CRTC1: variants seen among roughly 807,000 people sequenced by gnomAD.
CRTC1 encodes CREB-regulated transcription coactivator 1.
CRTC1 carries 18 observed loss-of-function variants against 66.1 expected under a neutral mutation model. The ratio of observed to expected loss-of-function variants is 0.27; its 90% CI spans 0.19 to 0.40. The LOEUF (loss-of-function observed/expected upper bound fraction) is 0.40, where lower values mean the gene tolerates loss of function less well. Ranked by LOEUF, CRTC1 falls within the 10% of genes least tolerant of loss-of-function variation. CRTC1 has a pLI of 1.00. For synonymous variants in CRTC1, 416 were observed against 398.8 expected, an observed-to-expected ratio of 1.04 and a Z score of -0.51; for missense variants, 669 against 887.9, an observed-to-expected ratio of 0.75 and a Z score of 3.13.
intron 1 of CRTC1, among the ~76,000 whole-genome samples, chr19:18,699,740 T>G (rs375513941): frequency 6.6e-6 from 1 of 152,068 alleles, no homozygotes; most frequent in Non-Finnish European, 1.5e-5. Context: ...GGGTGATGCC[T>G]CGTGGGCCAG....
At chr19:18,720,662 G>A (rs552624922) in intron 1 of CRTC1, among the ~76,000 whole-genome samples, 17 of 151,434 alleles carry the variant, frequency 1.1e-4, no homozygotes, top group African/African-American at 2.7e-4. Flanking sequence ...CACCACGCCC[G>A]GCCTAACTTT....
At chr19:18,740,410 G>C (rs1255724548) in intron 1 of CRTC1, among the ~76,000 whole-genome samples, 1 of 152,168 alleles carries the variant, frequency 6.6e-6, no homozygotes, top group Admixed American at 6.5e-5. Flanking sequence ...CATGTCCAGG[G>C]TCTGTACTGG....
rs1264664892 is a variant in CRTC1 at position 18,778,142 on chromosome 19, C to T, written c.*760C>T. The T allele has an allele frequency of 8.6e-6, 2 of 232,848 alleles. No individual in the cohort carries two copies. Among genetic ancestry groups the T allele is most frequent in the Admixed American group, 5.6e-5 (1 of 17,778 alleles). 14.4% of individuals were successfully genotyped at this position (232,848 alleles called of 1,614,324 possible). The stretch of plus-strand genomic sequence containing the variant: ...TTGCCGGGAAGTGACCGGAAGGCCC[C>T]GTGAGGGGTCGAACGCGGAGGCAGG... On this transcript the variant is annotated 3_prime_UTR_variant, in exon 14 of 14. Transcript: ENST00000321949.
intron 9 of CRTC1, 39 bp downstream of exon 9, chr19:18,765,567 G>A (rs2054712584): frequency 1.3e-6 from 2 of 1,578,852 alleles, no homozygotes; most frequent in Non-Finnish European, 8.6e-7. Flanking sequence ...GAGGGGGAAA[G>A]GGAAAGGTGG....
At position 18,768,560 on chromosome 19, in the gene CRTC1, C is replaced by T; in HGVS notation, c.1087C>T (p.Pro363Ser). The T allele has an allele frequency of 6.2e-7, 1 of 1,601,028 alleles. No homozygotes were observed. The highest frequency in any genetic ancestry group is 1.3e-5 in the African/African-American group (1 of 74,668). ...AFFTQAGSQQPPPQPQPPPPP... is the reference protein window; with the variant it reads ...AFFTQAGSQQSPPQPQPPPPP... ...CTTCACCCAGGCGGGCTCCCAGCAG[C>T]CACCGCCGCAGCCCCAGCCCCCGCC... Residue 363 changes from proline (P) to serine (S), a missense_variant, in exon 10 of 14, where the codon CCA (proline) becomes TCA (serine). Around this residue, in one of 8 missense-constraint regions of CRTC1, gnomAD observed 241 missense variants for 242.2 expected, o/e 0.99. Transcript: ENST00000321949. This position sits in a 1 kb window ranked among gnomAD's most constrained non-coding sequence, Gnocchi z 5.6.
chr19:18,719,337 C>CA (rs1456238673), intron 1 of CRTC1, among the ~76,000 whole-genome samples: 1 of 152,194 alleles, frequency 6.6e-6, no homozygotes, highest in Non-Finnish European at 1.5e-5. Flanking sequence ...ACCGGGTCCC[C>CA]AGGGCCTGCA....
intron 6 of CRTC1, among the ~76,000 whole-genome samples, chr19:18,757,182 C>T (rs1468090690): frequency 2.0e-5 from 3 of 152,170 alleles, no homozygotes; most frequent in African/African-American, 7.2e-5. Context: ...AAACGTGTCA[C>T]ACTGGGAGGC....
chr19:18,717,506 C>T (rs1033276619), intron 1 of CRTC1, among the ~76,000 whole-genome samples: 1 of 152,124 alleles, frequency 6.6e-6, no homozygotes, highest in Non-Finnish European at 1.5e-5. Context: ...ACTGTCCCCT[C>T]AGAAGGGTCG....
At chr19:18,736,712 G>A (rs889091933) in intron 1 of CRTC1, among the ~76,000 whole-genome samples, 2 of 150,410 alleles carry the variant, frequency 1.3e-5, no homozygotes, top group Non-Finnish European at 2.9e-5. Flanking sequence ...AGGTGGAGAG[G>A]GGGGGAAACT....
At chr19:18,748,142 C>T (rs1045275774) in intron 4 of CRTC1, among the ~76,000 whole-genome samples, 5 of 152,056 alleles carry the variant, frequency 3.3e-5, no homozygotes, top group African/African-American at 1.2e-4. Flanking sequence ...CATGGTTGTA[C>T]AACAATGTGA....
intron 8 of CRTC1, among the ~76,000 whole-genome samples, chr19:18,763,690 G>A (rs1052863927): frequency 9.9e-5 from 15 of 152,238 alleles, no homozygotes; most frequent in Non-Finnish European, 1.8e-4. Context: ...GGCCATGGCC[G>A]ATGTCTTGCA....
chr19:18,709,610 G>C (rs2053342870), intron 1 of CRTC1, among the ~76,000 whole-genome samples: 1 of 152,158 alleles, frequency 6.6e-6, no homozygotes, highest in East Asian at 1.9e-4. Context: ...GTTGGGATGA[G>C]CCTCTGTACC....
chr19:18,740,335 C>T (rs75205307), intron 1 of CRTC1, among the ~76,000 whole-genome samples: 1 of 152,130 alleles, frequency 6.6e-6, no homozygotes, highest in Non-Finnish European at 1.5e-5. Context: ...GTCAGCCCCT[C>T]ATGTGAACAG....
At chr19:18,764,327 A>C (rs2054680717) in intron 8 of CRTC1, among the ~76,000 whole-genome samples, 1 of 152,196 alleles carries the variant, frequency 6.6e-6, no homozygotes, top group Admixed American at 6.5e-5. Flanking sequence ...CCAGGGCCTC[A>C]CTTTGAACCG....
chr19:18,688,292 A>G (rs925974886), intron 1 of CRTC1, among the ~76,000 whole-genome samples: 17 of 152,088 alleles, frequency 1.1e-4, no homozygotes, highest in African/African-American at 3.6e-4. Flanking sequence ...GATTGGGGAC[A>G]GGCACAGTCA....
chr19:18,742,577 G>T (rs1196538260), intron 1 of CRTC1, among the ~76,000 whole-genome samples: 1 of 152,218 alleles, frequency 6.6e-6, no homozygotes, highest in Non-Finnish European at 1.5e-5. Context: ...GGCCTCCTTG[G>T]CAGGCTGCAG....
At chr19:18,694,591 C>T (rs1384746656) in intron 1 of CRTC1, among the ~76,000 whole-genome samples, 1 of 152,112 alleles carries the variant, frequency 6.6e-6, no homozygotes, top group Admixed American at 6.6e-5. Context: ...AGCCACCATG[C>T]CCGGCTAATT....
intron 6 of CRTC1, among the ~76,000 whole-genome samples, chr19:18,757,279 G>T (rs189655612): frequency 2.0e-5 from 3 of 152,132 alleles, no homozygotes; most frequent in African/African-American, 7.2e-5. Flanking sequence ...AGTCTCGGGG[G>T]CCCCTACCTG....
chr19:18,723,545 G>A (rs1272502475), intron 1 of CRTC1, among the ~76,000 whole-genome samples: 1 of 152,258 alleles, frequency 6.6e-6, no homozygotes, highest in Admixed American at 6.5e-5. Context: ...GTGGCTTAAA[G>A]TGTTGGAAGT....
Sources: allele counts gnomAD v4.1 joint callset (sites outside exome capture counted in the v4.1 genomes callset), GRCh38; gene constraint gnomAD v4.1.1; regional missense constraint gnomAD v4.1.1; non-coding constraint Gnocchi (gnomAD v3.1); transcripts MANE v1.5; gene names NCBI Gene and HGNC (gene_info 2026-07-23, HGNC 2026-07-21).